The following CUX1 variants were observed in gnomAD, a reference collection of about 807,000 sequenced individuals.
CUX1 encodes protein CASP.
Under a neutral mutation model 158.8 loss-of-function variants are expected in CUX1, and 31 were observed. That is an observed-to-expected ratio of 0.20 (90% confidence interval 0.15 to 0.26). CUX1 has a LOEUF of 0.26. Ranked by LOEUF, CUX1 falls within the 10% of genes least tolerant of loss-of-function variation. The pLI, the probability that CUX1 is intolerant of heterozygous loss-of-function variation, is 1.00. For missense variants in CUX1, 1,589 were observed against 2,014.6 expected, an observed-to-expected ratio of 0.79 and a Z score of 4.04; for synonymous variants, 879 against 862.1, an observed-to-expected ratio of 1.02 and a Z score of -0.34.
At chr7:102,265,463 G>A (rs946080241) in intron 14 of CUX1, among the ~76,000 whole-genome samples, 1 of 151,800 alleles carries the variant, frequency 6.6e-6, no homozygotes, top group African/African-American at 2.4e-5. Flanking sequence ...TAAGAGACAG[G>A]GTCTCACTCT....
chr7:102,199,146 G>A lies in CUX1; in HGVS notation c.1960+279G>A, dbSNP rs113089168. Among the ~76,000 whole-genome samples the A allele has an allele frequency of 6.1e-3, 927 of 152,124 alleles. 14 individuals are homozygous for A. The highest frequency in any genetic ancestry group is 0.021 in the African/African-American group (878 of 41,524). On this transcript the variant is annotated intron_variant, in intron 16 of 23. Transcript: ENST00000292535. Reference sequence around the variant, plus strand: ...AGCCCACTTCAGATCCTAATTACCCGGTCCCCCGTTTTTCTCAGACGCAGT... The same window carrying A: ...AGCCCACTTCAGATCCTAATTACCCAGTCCCCCGTTTTTCTCAGACGCAGT...
At chr7:102,043,107 C>A (rs139425856) in intron 3 of CUX1, among the ~76,000 whole-genome samples, 1 of 151,992 alleles carries the variant, frequency 6.6e-6, no homozygotes, top group Non-Finnish European at 1.5e-5. Context: ...TGTGCCACCA[C>A]GCCTGGCTAA....
At chr7:102,219,635 G>C (rs1554526193) in intron 20 of CUX1, among the ~76,000 whole-genome samples, 3 of 152,144 alleles carry the variant, frequency 2.0e-5, no homozygotes, top group Non-Finnish European at 2.9e-5. Context: ...TGGCCACGCT[G>C]GGTACGTCTC....
chr7:101,894,671 G>T (rs965204486), intron 1 of CUX1, among the ~76,000 whole-genome samples: 4 of 152,208 alleles, frequency 2.6e-5, no homozygotes, highest in Non-Finnish European at 4.4e-5. Context: ...GTACAAAGCA[G>T]TTTTTAGGCT....
intron 8 of CUX1, among the ~76,000 whole-genome samples, chr7:102,135,066 G>C (rs1381150269): frequency 6.6e-6 from 1 of 151,944 alleles, no homozygotes; most frequent in Non-Finnish European, 1.5e-5. Flanking sequence ...GATTTTCACT[G>C]TCCAAAAGAA....
intron 2 of CUX1, among the ~76,000 whole-genome samples, chr7:101,995,942 A>G (rs966016229): frequency 3.9e-5 from 6 of 152,098 alleles, no homozygotes; most frequent in Non-Finnish European, 7.4e-5. Context: ...TAGAAACTCC[A>G]TCTCTCCTAA....
At chr7:101,989,327 G>A (rs928614639) in intron 2 of CUX1, among the ~76,000 whole-genome samples, 4 of 152,212 alleles carry the variant, frequency 2.6e-5, no homozygotes, top group East Asian at 1.9e-4. Flanking sequence ...GATAACAATC[G>A]AAATAGCAGG....
intron 14 of CUX1, among the ~76,000 whole-genome samples, chr7:102,271,772 G>A (rs539249484): frequency 1.1e-4 from 16 of 152,356 alleles, no homozygotes; most frequent in East Asian, 7.7e-4. Flanking sequence ...GCTCACGCCT[G>A]TAATCCCAGC....
rs939864870 is a variant in CUX1, at chr7:102,081,825, C to T, written c.268+11408C>T. On this transcript the variant is annotated intron_variant, in intron 4 of 23. Transcript: ENST00000292535. ...ATTTCTAGTAGAGACAGAGTTTCAC[C>T]GTGTTGGCCAAGCTGATCTCGATCT... Among the ~76,000 whole-genome samples the T allele has an allele frequency of 3.4e-5, 5 of 146,196 alleles. 2 individuals carry two copies. Among genetic ancestry groups the T allele is most frequent in the Admixed American group, 2.1e-4 (3 of 14,418 alleles).
At chr7:102,280,946 GC>G in intron 20 of CUX1, 2 of 1,306,168 alleles carry the variant, frequency 1.5e-6, no homozygotes, top group Admixed American at 3.6e-5. Flanking sequence ...TGCAGCCCAG[GC>G]TGGAGGAGCC....
intron 5 of CUX1, 100 bp downstream of exon 5, chr7:102,097,601 T>C: frequency 8.1e-7 from 1 of 1,236,198 alleles, no homozygotes; most frequent in Non-Finnish European, 1.1e-6. Flanking sequence ...CAGCTCTCCT[T>C]GTAATATACA....
chr7:101,916,292 G>C lies in CUX1; in HGVS notation c.141+67G>C. On this transcript the variant is annotated intron_variant, in intron 2 of 23. Transcript: ENST00000292535. The surrounding 1 kb of genome is among the most constrained non-coding windows in gnomAD (Gnocchi z 4.4). ...GAATGCTGGTGCATGTTCAGGCGAC[G>C]CTCCGTGAGCGTTTCATTTTCATCA... The C allele has an allele frequency of 1.0e-6, 1 of 1,003,712 alleles. No homozygotes were observed. The highest frequency in any genetic ancestry group is 1.6e-6 in the Non-Finnish European group (1 of 630,222). 62.2% of individuals were successfully genotyped at this position (1,003,712 alleles called of 1,614,324 possible).
intron 3 of CUX1, among the ~76,000 whole-genome samples, chr7:102,037,188 C>T (rs956609737): frequency 8.0e-6 from 1 of 124,914 alleles, no homozygotes; most frequent in African/African-American, 2.8e-5. Flanking sequence ...GAGCAAGATC[C>T]TGTCTCAAAC....
intron 4 of CUX1, among the ~76,000 whole-genome samples, chr7:102,074,817 T>C (rs1301195642): frequency 6.6e-6 from 1 of 152,194 alleles, no homozygotes; most frequent in African/African-American, 2.4e-5. Context: ...CCTGCCTTCT[T>C]TTGGCGGGTA....
At chr7:101,941,886 A>G (rs1188229956) in intron 2 of CUX1, among the ~76,000 whole-genome samples, 1 of 152,222 alleles carries the variant, frequency 6.6e-6, no homozygotes, top group Non-Finnish European at 1.5e-5. Flanking sequence ...AACTGCTCAG[A>G]ACAAGTTGTT....
intron 10 of CUX1, among the ~76,000 whole-genome samples, chr7:102,174,720 C>T (rs1015298877): frequency 7.2e-5 from 11 of 152,276 alleles, no homozygotes; most frequent in African/African-American, 1.2e-4. Flanking sequence ...CCAAGGCAGG[C>T]GGATCACAAG....
chr7:101,915,019 T>G (rs1285786935), intron 1 of CUX1, among the ~76,000 whole-genome samples: 1 of 152,058 alleles, frequency 6.6e-6, no homozygotes, highest in Non-Finnish European at 1.5e-5. Flanking sequence ...GGATAAATCT[T>G]CAGCTTTGAT....
chr7:102,235,743 T>TG (rs1799487702), intron 22 of CUX1, among the ~76,000 whole-genome samples: 1 of 147,030 alleles, frequency 6.8e-6, no homozygotes, highest in Non-Finnish European at 1.5e-5. Context: ...GGCCCTTGAG[T>TG]GGCTCTGCCC....
rs563118924 is a variant in CUX1 at position 102,252,287 on chromosome 7, A to T, written c.*3245A>T. The T allele has an allele frequency of 1.4e-5, 14 of 985,380 alleles. No individual in the cohort carries two copies. In the East Asian group the frequency reaches 9.1e-4, roughly 64 times the overall value. 61.0% of individuals were successfully genotyped at this position (985,380 alleles called of 1,614,324 possible). A position where few individuals can be genotyped will look rare whatever the true frequency, so the allele number is the denominator to read the frequency against. On this transcript the variant is annotated 3_prime_UTR_variant, in exon 24 of 24. Transcript: ENST00000292535. ...GTTGGAGTCTAAGGGTTAATCTCTC[A>T]TCTTGCTAAGCAGTATTCAAGTGCC...
Sources: gnomAD v4.1 joint callset for allele counts (sites outside exome capture counted in the v4.1 genomes callset) on GRCh38, gnomAD v4.1.1 for gene constraint, Gnocchi (gnomAD v3.1) non-coding constraint, MANE v1.5 for transcripts, NCBI Gene and HGNC (gene_info 2026-07-23, HGNC 2026-07-21) for gene names.